The following NDST3 variants were observed in gnomAD, a reference collection of about 807,000 sequenced individuals.
NDST3 encodes the protein N-deacetylase and N-sulfotransferase 3.
In NDST3, 58 loss-of-function variants were observed where a neutral mutation model predicts 96.1. That is an observed-to-expected ratio of 0.60 (90% CI 0.49 to 0.75). The LOEUF (loss-of-function observed/expected upper bound fraction) is 0.75, where lower values mean the gene tolerates loss of function less well. Ranked by LOEUF, NDST3 falls within the 30% of genes least tolerant of loss-of-function variation. The pLI, the probability that NDST3 is intolerant of heterozygous loss-of-function variation, is 0.00. For synonymous variants in NDST3, 333 were observed against 359.7 expected, an observed-to-expected ratio of 0.93 and a Z score of 0.84; for missense variants, 788 against 1,034.2, an observed-to-expected ratio of 0.76 and a Z score of 3.27.
At chr4:118,099,977 G>A (rs1729631636) in intron 2 of NDST3, among the ~76,000 whole-genome samples, 1 of 151,964 alleles carries the variant, frequency 6.6e-6, no homozygotes, top group Non-Finnish European at 1.5e-5. Flanking sequence ...TCTTTAATCT[G>A]GATGCCAGTG....
chr4:118,077,020 G>C (rs1171474936), intron 2 of NDST3, among the ~76,000 whole-genome samples: 2 of 152,132 alleles, frequency 1.3e-5, no homozygotes, highest in Non-Finnish European at 2.9e-5. Context: ...TGGTTCAATT[G>C]ACTGGCTTCA....
At chr4:118,059,831 T>C (rs1012195196) in intron 2 of NDST3, among the ~76,000 whole-genome samples, 5 of 152,160 alleles carry the variant, frequency 3.3e-5, no homozygotes, top group African/African-American at 1.2e-4. Context: ...GATCTGTACA[T>C]TGTACATAGT....
intron 6 of NDST3, among the ~76,000 whole-genome samples, chr4:118,198,636 T>C (rs1737856037): frequency 6.6e-6 from 1 of 152,210 alleles, no homozygotes; most frequent in Non-Finnish European, 1.5e-5. Context: ...CTGCAGACTA[T>C]TACTAGTGGA....
intron 4 of NDST3, among the ~76,000 whole-genome samples, chr4:118,125,382 A>G (rs1374275860): frequency 6.6e-6 from 1 of 152,106 alleles, no homozygotes; most frequent in Non-Finnish European, 1.5e-5. Flanking sequence ...CAACATTGTC[A>G]TCACAGAAAT....
chr4:118,096,370 T>C (rs1293394693), intron 2 of NDST3, among the ~76,000 whole-genome samples: 1 of 151,894 alleles, frequency 6.6e-6, no homozygotes, highest in African/African-American at 2.4e-5. Flanking sequence ...ATACCTTATC[T>C]TCCCTAGATT....
At chr4:118,152,943 C>T (rs1273149290) in intron 6 of NDST3, among the ~76,000 whole-genome samples, 3 of 152,170 alleles carry the variant, frequency 2.0e-5, no homozygotes, top group South Asian at 4.2e-4. Flanking sequence ...CCATATCAGT[C>T]CTGGCCTTCT....
chr4:118,252,716 C>T (rs900761189), intron 12 of NDST3, among the ~76,000 whole-genome samples: 1 of 152,158 alleles, frequency 6.6e-6, no homozygotes, highest in African/African-American at 2.4e-5. Context: ...CATGGAGAAA[C>T]TCCGTCTCTA....
chr4:118,097,800 C>T (rs1353274260), intron 2 of NDST3, among the ~76,000 whole-genome samples: 1 of 151,640 alleles, frequency 6.6e-6, no homozygotes, highest in African/African-American at 2.4e-5. Context: ...CTACAATGGC[C>T]ATTTTCAAAT....
chr4:118,067,644 A>G (rs1402846327), intron 2 of NDST3, among the ~76,000 whole-genome samples: 3 of 152,134 alleles, frequency 2.0e-5, no homozygotes, highest in Non-Finnish European at 4.4e-5. Context: ...TAAGGATGCC[A>G]GTGGCAAGAG....
At chr4:118,124,737 T>C (rs72907133) in intron 4 of NDST3, among the ~76,000 whole-genome samples, 1 of 152,082 alleles carries the variant, frequency 6.6e-6, no homozygotes, top group Non-Finnish European at 1.5e-5. Flanking sequence ...CATACACTCA[T>C]CTCTTTTCCG....
chr4:118,069,143 GATCA>G (rs66471060), intron 2 of NDST3, among the ~76,000 whole-genome samples: 78,231 of 151,356 alleles, frequency 0.52, 24,358 homozygotes, highest in East Asian at 0.72. Context: ...CTGTGCATCA[GATCA>G]GTCAGAAGAA....
intron 2 of NDST3, among the ~76,000 whole-genome samples, chr4:118,103,254 C>T (rs191590837): frequency 1.1e-3 from 166 of 151,836 alleles, no homozygotes; most frequent in East Asian, 1.6e-3. Flanking sequence ...AAATAGATTT[C>T]GAATCTATAT....
intron 6 of NDST3, among the ~76,000 whole-genome samples, chr4:118,192,701 T>C (rs1437298872): frequency 6.6e-6 from 1 of 150,540 alleles, no homozygotes; most frequent in African/African-American, 2.4e-5. Context: ...TAGTATAATT[T>C]GTTTTTTGTG....
At chr4:118,101,256 C>T (rs747647254) in intron 2 of NDST3, among the ~76,000 whole-genome samples, 10 of 151,404 alleles carry the variant, frequency 6.6e-5, no homozygotes, top group Admixed American at 1.3e-4. Context: ...AATTCAAAGG[C>T]TATCATTTTG....
intron 6 of NDST3, among the ~76,000 whole-genome samples, chr4:118,197,292 T>G (rs1737758640): frequency 6.9e-6 from 1 of 145,706 alleles, no homozygotes; most frequent in East Asian, 2.0e-4. Flanking sequence ...ATCTATATGC[T>G]GGGGAAAAGA....
intron 9 of NDST3, among the ~76,000 whole-genome samples, chr4:118,234,254 A>G (rs912731489): frequency 2.0e-5 from 3 of 152,062 alleles, no homozygotes; most frequent in Admixed American, 2.0e-4. Flanking sequence ...TCTAACAAAA[A>G]TACAAGAATT....
chr4:118,128,994 C>G lies in NDST3; in HGVS notation c.1225-9060C>G, dbSNP rs528174211. 8.9e-4 allele frequency among the ~76,000 whole-genome samples: 135 copies of G among 152,028 alleles called. 1 individual carries two copies. The highest frequency in any genetic ancestry group is 1.6e-3 in the Non-Finnish European group (107 of 67,930). On this transcript the variant is annotated intron_variant, in intron 4 of 13. Coordinates refer to ENST00000296499, the MANE Select transcript of NDST3 (RefSeq NM_004784.3). ...GGCATATAGTTGCTGATAGTAGCCA[C>G]TACTGATCCTTTGAATTTCGGCAGT...
intron 2 of NDST3, among the ~76,000 whole-genome samples, chr4:118,085,087 C>T (rs1386329352): frequency 1.3e-5 from 2 of 151,844 alleles, no homozygotes; most frequent in African/African-American, 4.8e-5. Flanking sequence ...CACGCTATTG[C>T]ACTCCAGCCT....
At chr4:118,211,531 C>T (rs1289059747) in intron 6 of NDST3, among the ~76,000 whole-genome samples, 1 of 152,102 alleles carries the variant, frequency 6.6e-6, no homozygotes. Context: ...ATTTCAAATA[C>T]TCTTCTTCAA....
Sources: gnomAD v4.1 joint callset for allele counts (sites outside exome capture counted in the v4.1 genomes callset) on GRCh38, gnomAD v4.1.1 for gene constraint, MANE v1.5 for transcripts, NCBI Gene and HGNC (gene_info 2026-07-23, HGNC 2026-07-21) for gene names.